Variants in CA1 observed in about 807,000 individuals in gnomAD.
CA1 encodes carbonic anhydrase 1, also known as carbonate dehydratase I.
CA1 carries 27 observed loss-of-function variants against 28.8 expected under a neutral mutation model. That is an observed-to-expected ratio of 0.94 (90% CI 0.69 to 1.29). The LOEUF (loss-of-function observed/expected upper bound fraction) is 1.29. Ranked by LOEUF, CA1 falls within the 50% of genes most tolerant of loss-of-function variation. The probability of loss-of-function intolerance (pLI) is 0.00; values close to 1 mark genes in which losing one functional copy is unlikely to be tolerated. For missense variants in CA1, 335 were observed against 310.5 expected (o/e 1.08, Z -0.59); for synonymous variants, 121 against 108.8 (o/e 1.11, Z -0.70).
chr8:85,331,408 A>C (rs1395897621), intron 6 of CA1, among the ~76,000 whole-genome samples: 1 of 151,832 alleles, frequency 6.6e-6, no homozygotes, highest in East Asian at 1.9e-4. Flanking sequence ...CAATTTATTG[A>C]TAAAATTTTA....
intron 1 of CA1, among the ~76,000 whole-genome samples, chr8:85,375,582 G>C (rs1810386525): frequency 6.6e-6 from 1 of 151,952 alleles, no homozygotes; most frequent in South Asian, 2.1e-4. Context: ...TAGAAACAAG[G>C]AATAAAATAG....
chr8:85,356,931 A>C (rs1218986862), intron 1 of CA1, among the ~76,000 whole-genome samples: 1 of 152,244 alleles, frequency 6.6e-6, no homozygotes, highest in Non-Finnish European at 1.5e-5. Flanking sequence ...TCCCAGTTGC[A>C]CACCTGAAAA....
chr8:85,344,287 T>C (rs1479166099), intron 1 of CA1, among the ~76,000 whole-genome samples: 18 of 56,850 alleles, frequency 3.2e-4, no homozygotes, highest in Non-Finnish European at 6.0e-4. Context: ...ATATATTATA[T>C]ACAGTATATA....
At chr8:85,353,071 A>C (rs75159512) in intron 1 of CA1, among the ~76,000 whole-genome samples, 3,733 of 152,260 alleles carry the variant, frequency 0.025, 147 homozygotes, top group African/African-American at 0.085. Context: ...TTGAGCCAGA[A>C]CCAAAGGGCA....
At position 85,341,616 on chromosome 8, in the gene CA1, C is replaced by A. The variant is rs1289130454; in HGVS notation, c.20G>T (p.Gly7Val). The A allele has an allele frequency of 3.8e-6, 6 of 1,596,796 alleles. No individual in the cohort carries two copies. In the African/African-American group the frequency reaches 8.0e-5, roughly 21 times the overall value. MASPDW[G>V]YDDKNGPEQW... ...ACTCTTACCATTTTTGTCATCATAT[C>A]CCCAGTCTGGACTTGCCATTATCTT... Residue 7 changes from glycine to valine, a missense_variant, in exon 2 of 8, where the codon GGA becomes GTA. Transcript: ENST00000523022.
intron 1 of CA1, among the ~76,000 whole-genome samples, chr8:85,373,084 T>C (rs1810289323): frequency 6.6e-6 from 1 of 152,204 alleles, no homozygotes; most frequent in South Asian, 2.1e-4. Context: ...AGATCTACGG[T>C]AAGAACAAAT....
intron 4 of CA1, 59 bp downstream of exon 4, chr8:85,336,886 G>A: frequency 1.0e-6 from 1 of 989,142 alleles, no homozygotes; most frequent in Non-Finnish European, 1.6e-6. Context: ...AAAGAAGGGA[G>A]AAGCTGCTTC....
chr8:85,336,742 T>G (rs540021222), intron 4 of CA1, among the ~76,000 whole-genome samples: 3 of 152,290 alleles, frequency 2.0e-5, no homozygotes, highest in Non-Finnish European at 4.4e-5. Flanking sequence ...GCTCAGGAGT[T>G]TAGCTGCCTC....
chr8:85,328,319 C>A lies in CA1; in HGVS notation c.*241G>T. The stretch of plus-strand genomic sequence containing the variant: ...TTGTAATTTTAAAGAATTCCTCAAA[C>A]TAAACTTGAATTTAAGCATAAGCTT... On this transcript the variant is annotated 3_prime_UTR_variant, in exon 8 of 8. Coordinates refer to ENST00000523022, the MANE Select transcript of CA1 (RefSeq NM_001128831.4). 3.4e-6 allele frequency: 1 copy of A among 295,724 alleles called. No individual in the cohort carries two copies. Among genetic ancestry groups the A allele is most frequent in the Admixed American group, 4.7e-5 (1 of 21,360 alleles). The allele number at this position is 295,724 out of a possible 1,614,324, so 18.3% of individuals were successfully genotyped here. A position where few individuals can be genotyped will look rare whatever the true frequency, so the allele number is the denominator to read the frequency against.
chr8:85,329,899 A>AAGTAT, intron 6 of CA1, 55 bp from the exon 7 acceptor site: 1 of 1,311,186 alleles, frequency 7.6e-7, no homozygotes, highest in Non-Finnish European at 1.1e-6. Context: ...ATATGAATAT[A>AAGTAT]TGTGACATAT....
At position 85,357,432 on chromosome 8, in the gene CA1, AG is replaced by A. The variant is rs536544896; in HGVS notation, c.-24-15774del. 4.4e-3 allele frequency among the ~76,000 whole-genome samples: 676 copies of A among 152,304 alleles called. 5 individuals carry two copies. The highest frequency in any genetic ancestry group is 0.014 in the South Asian group (68 of 4,828). On this transcript the variant is annotated intron_variant, in intron 1 of 7. Transcript: ENST00000523022. Reference sequence around the variant, plus strand: ...GTTTCCTTATCTGAAAATGGGGAAAAGAATCCTACCTTGCAGGATTGTGGCG... The same window carrying A: ...GTTTCCTTATCTGAAAATGGGGAAAAAATCCTACCTTGCAGGATTGTGGCG...
intron 1 of CA1, among the ~76,000 whole-genome samples, chr8:85,365,354 T>C (rs773321601): frequency 5.9e-5 from 9 of 152,210 alleles, no homozygotes; most frequent in Non-Finnish European, 1.0e-4. Context: ...TAATGGATGA[T>C]GAAAGGTGAG....
At chr8:85,354,976 G>A (rs7012707) in intron 1 of CA1, among the ~76,000 whole-genome samples, 4,194 of 152,248 alleles carry the variant, frequency 0.028, 176 homozygotes, top group African/African-American at 0.095. Flanking sequence ...AGACTGTGAC[G>A]TTGCCTTTGA....
intron 1 of CA1, among the ~76,000 whole-genome samples, chr8:85,347,164 G>T (rs1057269144): frequency 6.6e-6 from 1 of 152,118 alleles, no homozygotes; most frequent in Non-Finnish European, 1.5e-5. Flanking sequence ...TCAAAGATTA[G>T]ATTTCTAAAA....
At chr8:85,350,821 T>G (rs1365300841) in intron 1 of CA1, among the ~76,000 whole-genome samples, 1 of 152,192 alleles carries the variant, frequency 6.6e-6, no homozygotes, top group East Asian at 1.9e-4. Context: ...GTGGACTTCT[T>G]AGAACAAATA....
rs73691823 is a variant in CA1, at chr8:85,337,758, G to T, written c.235+494C>A. 6.6e-3 allele frequency among the ~76,000 whole-genome samples: 1,006 copies of T among 152,230 alleles called. 11 individuals carry two copies. Among genetic ancestry groups the T allele is most frequent in the African/African-American group, 0.023 (942 of 41,548 alleles). On this transcript the variant is annotated intron_variant, in intron 3 of 7. Coordinates refer to ENST00000523022, the MANE Select transcript of CA1 (RefSeq NM_001128831.4). Reference sequence around the variant, plus strand: ...ATCAGTAGAACTGTTTTATGGAATTGTCATTTAATAAAATATTCAATAAAC... The same window carrying T: ...ATCAGTAGAACTGTTTTATGGAATTTTCATTTAATAAAATATTCAATAAAC...
intron 2 of CA1, 63 bp downstream of exon 2, chr8:85,341,536 T>A: frequency 1.0e-6 from 1 of 974,200 alleles, no homozygotes; most frequent in Non-Finnish European, 1.7e-6. Context: ...ATACTTAATA[T>A]CTTTTCTGTT....
Position 85,328,076 on chromosome 8 carries a change from A to G in CA1, c.*484T>C, listed in dbSNP as rs1011074263. 1.2e-4 allele frequency: 19 copies of G among 155,802 alleles called. 2 individuals carry two copies. The South Asian group carries it at 3.7e-3, about 30-fold the overall frequency. The allele number at this position is 155,802 out of a possible 1,614,324, so 9.7% of individuals were successfully genotyped here. A position where few individuals can be genotyped will look rare whatever the true frequency, so the allele number is the denominator to read the frequency against. On this transcript the variant is annotated 3_prime_UTR_variant, in exon 8 of 8. Coordinates refer to ENST00000523022, the MANE Select transcript of CA1 (RefSeq NM_001128831.4). ...TCTCAGCTATATTTTTGTCTTCAGG[A>G]GTAAGCAAATGAATTTCCCAATATT...
At chr8:85,372,869 C>T (rs1165504958) in intron 1 of CA1, among the ~76,000 whole-genome samples, 1 of 152,104 alleles carries the variant, frequency 6.6e-6, no homozygotes, top group Admixed American at 6.5e-5. Flanking sequence ...GTAGTCTTCT[C>T]AGTTATCAGA....
Sources: gnomAD v4.1 joint callset for allele counts (sites outside exome capture counted in the v4.1 genomes callset) on GRCh38, gnomAD v4.1.1 for gene constraint, MANE v1.5 for transcripts, NCBI Gene and HGNC (gene_info 2026-07-23, HGNC 2026-07-21) for gene names.